Variants in CDC5L observed in about 807,000 individuals in gnomAD.
The protein encoded by CDC5L is cell division cycle 5-like protein.
CDC5L carries 18 observed loss-of-function variants against 104.1 expected under a neutral mutation model. The ratio of observed to expected loss-of-function variants is 0.17; its 90% CI spans 0.12 to 0.26. The LOEUF (loss-of-function observed/expected upper bound fraction) is 0.26, where lower values mean the gene tolerates loss of function less well. Among genes scored for constraint, CDC5L ranks in the 10% least tolerant of loss-of-function variants. The pLI is 1.00. For synonymous variants in CDC5L, 331 were observed against 322.7 expected (o/e 1.03, Z -0.28); for missense variants, 673 against 956.9 (o/e 0.70, Z 3.91).
chr6:44,449,651 C>G lies in CDC5L; in HGVS notation c.*2940C>G, dbSNP rs1234878489. 4 of 152,074 alleles carry G rather than the reference C, an allele frequency of 2.6e-5. No individual in the cohort carries two copies. Among genetic ancestry groups the G allele is most frequent in the Non-Finnish European group, 5.9e-5 (4 of 68,010 alleles). The allele number at this position is 152,074 out of a possible 1,614,324, so 9.4% of individuals were successfully genotyped here. On this transcript the variant is annotated 3_prime_UTR_variant, in exon 16 of 16. Transcript: ENST00000371477. ...AATGTGATAAAAAGCTGAAAGAAACCACCACAAGGGAGAGTCCTTTTTGAA... is the reference window on the plus strand; with the variant it reads ...AATGTGATAAAAAGCTGAAAGAAACGACCACAAGGGAGAGTCCTTTTTGAA...
chr6:44,428,896 G>A (rs933567816), intron 13 of CDC5L, among the ~76,000 whole-genome samples: 1 of 152,154 alleles, frequency 6.6e-6, no homozygotes, highest in Non-Finnish European at 1.5e-5. Flanking sequence ...TGCACACATG[G>A]TGGAGTGGGA....
intron 7 of CDC5L, 83 bp downstream of exon 7, chr6:44,406,550 AC>A: frequency 8.0e-7 from 1 of 1,245,172 alleles, no homozygotes; most frequent in Non-Finnish European, 1.2e-6. Context: ...AGGCCTGTGT[AC>A]CAGGTTTGTG....
rs1222441974 is a variant in CDC5L at position 44,404,017 on chromosome 6, G to A, written c.748G>A (p.Glu250Lys). The A allele has an allele frequency of 1.2e-6, 2 of 1,604,776 alleles. No individual in the cohort carries two copies. The highest frequency in any genetic ancestry group is 1.7e-6 in the Non-Finnish European group (2 of 1,177,162). The change falls in exon 6 of 16, where the codon GAG (glutamate) becomes AAG (lysine). Residue 250 changes from glutamate (E) to lysine (K), a missense_variant. Physicochemically the swap from Glu to Lys is moderately conservative, Grantham distance 56. Around this residue, in one of 4 missense-constraint regions of CDC5L, gnomAD observed 578 missense variants for 737.0 expected, o/e 0.78. Coordinates refer to ENST00000371477, the MANE Select transcript of CDC5L (RefSeq NM_001253.4). ...ATTAAGACAACAGGATCTTGATGGGGAGCTAAGATCGTAAGTTGCCTTTCT... is the reference window on the plus strand; with the variant it reads ...ATTAAGACAACAGGATCTTGATGGGAAGCTAAGATCGTAAGTTGCCTTTCT... ...RKLRQQDLDGELRSEKEGRDR... is the reference protein window; with the variant it reads ...RKLRQQDLDGKLRSEKEGRDR...
chr6:44,422,805 A>C lies in CDC5L; in HGVS notation c.1400A>C (p.Gln467Pro), dbSNP rs1191785102. The C allele has an allele frequency of 2.5e-6, 4 of 1,596,858 alleles. No individual in the cohort carries two copies. Among genetic ancestry groups the C allele is most frequent in the Non-Finnish European group, 3.4e-6 (4 of 1,173,748 alleles). ...ADYSDPSYVK[Q>P]MERESREHLR... ...TATAGTGATCCCTCTTACGTGAAGC[A>C]GATGGTAAATGTCAATTCCCTTTTA... The change falls in exon 10 of 16, where the codon CAG becomes CCG. Residue 467 changes from glutamine to proline, a missense_variant. Around this residue, in one of 4 missense-constraint regions of CDC5L, gnomAD observed 578 missense variants for 737.0 expected, o/e 0.78. Transcript: ENST00000371477.
At chr6:44,397,790 C>T (rs945748293) in intron 5 of CDC5L, among the ~76,000 whole-genome samples, 4 of 152,136 alleles carry the variant, frequency 2.6e-5, no homozygotes, top group East Asian at 1.9e-4. Context: ...AAAAAGTAAA[C>T]GAATATATAT....
chr6:44,440,506 G>C (rs1305689856), intron 14 of CDC5L, among the ~76,000 whole-genome samples: 4 of 152,010 alleles, frequency 2.6e-5, no homozygotes, highest in Non-Finnish European at 5.9e-5. Flanking sequence ...GCCTTCCAAA[G>C]TGCTGGGATT....
intron 6 of CDC5L, among the ~76,000 whole-genome samples, chr6:44,405,518 C>T (rs928569496): frequency 1.3e-5 from 2 of 152,144 alleles, no homozygotes; most frequent in South Asian, 2.1e-4. Context: ...TTAGATGTCA[C>T]TTGTCAGTAT....
intron 2 of CDC5L, among the ~76,000 whole-genome samples, chr6:44,390,599 G>A (rs1345353973): frequency 2.0e-5 from 3 of 152,096 alleles, no homozygotes; most frequent in Non-Finnish European, 4.4e-5. Context: ...CCCAATTAGG[G>A]ATAATAATAC....
chr6:44,420,897 T>C (rs1792139208), intron 9 of CDC5L, among the ~76,000 whole-genome samples: 1 of 152,162 alleles, frequency 6.6e-6, no homozygotes, highest in African/African-American at 2.4e-5. Context: ...CTGTAACCAA[T>C]GGTCTTTGTT....
rs555239082 is a variant in CDC5L at position 44,407,242 on chromosome 6, G to A, written c.903+775G>A. Among the ~76,000 whole-genome samples, 8 of 152,144 alleles carry A rather than the reference G, an allele frequency of 5.3e-5. No individual in the cohort carries two copies. The East Asian group carries it at 1.5e-3, about 29-fold the overall frequency. On this transcript the variant is annotated intron_variant, in intron 7 of 15. Coordinates refer to ENST00000371477, the MANE Select transcript of CDC5L (RefSeq NM_001253.4). ...CAATGTGGGAGTTGTGGAGAAAAGC[G>A]ATACAAACATTCTTTCATTCAGCTT...
At chr6:44,443,023 CTCTT>C (rs1793276173) in intron 14 of CDC5L, among the ~76,000 whole-genome samples, 2 of 151,226 alleles carry the variant, frequency 1.3e-5, no homozygotes, top group Admixed American at 6.6e-5. Context: ...TTTTTTCTCT[CTCTT>C]TCTTCTCTTT....
At position 44,387,775 on chromosome 6, in the gene CDC5L, C is replaced by G; in HGVS notation, c.-49C>G. On this transcript the variant is annotated 5_prime_UTR_variant, in exon 1 of 16. Transcript: ENST00000371477. ...TCCGGTGGCCCAATCGCTGTTACTA[C>G]TTCTCTGAAGCTCCTCTCGGCTGCT... 6.6e-7 allele frequency: 1 copy of G among 1,522,404 alleles called. No homozygotes were observed. The highest frequency in any genetic ancestry group is 8.9e-7 in the Non-Finnish European group (1 of 1,120,832). The allele number at this position is 1,522,404 out of a possible 1,614,324, so 94.3% of individuals were successfully genotyped here.
intron 14 of CDC5L, among the ~76,000 whole-genome samples, chr6:44,431,685 G>A (rs1792693442): frequency 1.3e-5 from 2 of 152,076 alleles, no homozygotes; most frequent in South Asian, 4.1e-4. Flanking sequence ...AAATAAATGT[G>A]TCACACAGTG....
intron 10 of CDC5L, among the ~76,000 whole-genome samples, chr6:44,423,441 C>T (rs1000708148): frequency 1.3e-5 from 2 of 152,118 alleles, no homozygotes; most frequent in Non-Finnish European, 2.9e-5. Context: ...ATTGACAGTA[C>T]TAAACTAAGT....
intron 15 of CDC5L, among the ~76,000 whole-genome samples, chr6:44,446,200 A>G (rs1793446078): frequency 1.3e-5 from 2 of 152,214 alleles, no homozygotes; most frequent in Non-Finnish European, 2.9e-5. Context: ...AAACTAAACC[A>G]GTATCTTTTT....
chr6:44,411,637 A>AGAGAGTGTGTGTGT lies in CDC5L; in HGVS notation c.1092+3006_1092+3007insAGAGTGTGTGTGTG. Reference sequence around the variant, plus strand: ...GAGAGAGAGAGAGAGAGAGAGAGAGAGTGTGTGTGTGTGTGTGACTAAAAA... The same window carrying AGAGAGTGTGTGTGT: ...GAGAGAGAGAGAGAGAGAGAGAGAGAGAGAGTGTGTGTGTGTGTGTGTGTGTGTGTGACTAAAAA... On this transcript the variant is annotated intron_variant, in intron 8 of 15. Coordinates refer to ENST00000371477, the MANE Select transcript of CDC5L (RefSeq NM_001253.4). 4.9e-4 allele frequency among the ~76,000 whole-genome samples: 61 copies of AGAGAGTGTGTGTGT among 123,744 alleles called. 1 individual carries two copies. The highest frequency in any genetic ancestry group is 1.4e-3 in the African/African-American group (47 of 33,362). The allele number at this position is 123,744 out of a possible 152,430, so 81.2% of individuals were successfully genotyped here.
In CDC5L at chr6:44,422,540, CT is replaced by C. The variant is rs1010827337; in HGVS notation, c.1242-97del. On this transcript the variant is annotated intron_variant, in intron 9 of 15. Transcript: ENST00000371477. ...TGGACAGAATTTTGAAATCTTTATT[CT>C]TTTTTTTTTCTATATTTCCTGTGAA... is the stretch of plus-strand genomic sequence containing the variant. 2.5e-3 allele frequency: 1,790 copies of C among 720,448 alleles called. 2 individuals carry two copies. The highest frequency in any genetic ancestry group is 0.011 in the African/African-American group (612 of 54,210). 44.6% of individuals were successfully genotyped at this position (720,448 alleles called of 1,614,324 possible).
At chr6:44,405,274 C>A (rs902066271) in intron 6 of CDC5L, among the ~76,000 whole-genome samples, 2 of 152,172 alleles carry the variant, frequency 1.3e-5, no homozygotes, top group Non-Finnish European at 2.9e-5. Flanking sequence ...TACAAAACAA[C>A]AGCTATCAGC....
chr6:44,404,756 C>A (rs906563567), intron 6 of CDC5L, among the ~76,000 whole-genome samples: 7 of 152,010 alleles, frequency 4.6e-5, no homozygotes, highest in African/African-American at 1.2e-4. Flanking sequence ...AGTGCAGTGG[C>A]ATGATCACAG....
Sources: allele counts gnomAD v4.1 joint callset (sites outside exome capture counted in the v4.1 genomes callset), GRCh38; gene constraint gnomAD v4.1.1; regional missense constraint gnomAD v4.1.1; transcripts MANE v1.5; gene names NCBI Gene and HGNC (gene_info 2026-07-23, HGNC 2026-07-21).